ATP8A2: variants seen among roughly 807,000 people sequenced by gnomAD.
ATP8A2 encodes phospholipid-transporting ATPase IB.
A neutral mutation model predicts 165.6 loss-of-function variants in ATP8A2; 100 were observed. That is an observed-to-expected ratio of 0.60 (90% CI 0.51 to 0.71). The LOEUF (loss-of-function observed/expected upper bound fraction) is 0.71. ATP8A2 is among the 30% of genes least tolerant of loss of function. ATP8A2 has a pLI of 0.00. For synonymous variants in ATP8A2, 543 were observed against 548.8 expected (o/e 0.99, Z 0.15); for missense variants, 1,227 against 1,479.5 (o/e 0.83, Z 2.80).
intron 24 of ATP8A2, among the ~76,000 whole-genome samples, chr13:25,659,264 G>T (rs900004352): frequency 6.6e-6 from 1 of 152,184 alleles, no homozygotes; most frequent in African/African-American, 2.4e-5. Flanking sequence ...CGATTGTGCT[G>T]ATTATGATCA....
intron 27 of ATP8A2, among the ~76,000 whole-genome samples, chr13:25,818,555 C>T (rs996058319): frequency 6.6e-6 from 1 of 152,080 alleles, no homozygotes; most frequent in African/African-American, 2.4e-5. Context: ...GGAATAACAC[C>T]TTTTGTTAGG....
chr13:25,773,348 G>A (rs1036837172), intron 26 of ATP8A2, among the ~76,000 whole-genome samples: 1 of 152,158 alleles, frequency 6.6e-6, no homozygotes, highest in Admixed American at 6.5e-5. Flanking sequence ...GCCAGAGCAG[G>A]ACACCACGCA....
intron 24 of ATP8A2, among the ~76,000 whole-genome samples, chr13:25,599,975 A>T (rs1034051425): frequency 5.3e-5 from 8 of 152,212 alleles, no homozygotes; most frequent in Non-Finnish European, 7.3e-5. Context: ...CATGCAGGAA[A>T]TGGTGACCGT....
intron 33 of ATP8A2, among the ~76,000 whole-genome samples, chr13:25,886,574 G>T (rs1282978336): frequency 1.3e-5 from 2 of 152,234 alleles, no homozygotes; most frequent in Non-Finnish European, 2.9e-5. Context: ...GGTTTCACCC[G>T]CTCCATGTGC....
At chr13:25,591,402 T>C (rs1454477322) in intron 24 of ATP8A2, 8 of 456,210 alleles carry the variant, frequency 1.8e-5, no homozygotes, top group East Asian at 6.9e-5. Context: ...TTCAATCATA[T>C]AGTATTTGTG....
intron 25 of ATP8A2, among the ~76,000 whole-genome samples, chr13:25,719,733 A>G (rs3117856): frequency 0.24 from 36,890 of 152,166 alleles, 6,725 homozygotes; most frequent in African/African-American, 0.51. Context: ...GCCTGTCAGA[A>G]TCACTTATGT....
rs567734426 is a variant in ATP8A2, at chr13:25,971,311, A to AG, written c.3377+2632_3377+2633insG. Among the ~76,000 whole-genome samples the AG allele has an allele frequency of 3.7e-3, 515 of 140,426 alleles. 2 individuals are homozygous for AG. Among genetic ancestry groups the AG allele is most frequent in the African/African-American group, 0.013 (487 of 37,112 alleles). 92.1% of individuals were successfully genotyped at this position (140,426 alleles called of 152,430 possible). A position where few individuals can be genotyped will look rare whatever the true frequency, so the allele number is the denominator to read the frequency against. On this transcript the variant is annotated intron_variant, in intron 35 of 36. Coordinates refer to ENST00000381655, the MANE Select transcript of ATP8A2 (RefSeq NM_016529.6). ...TGCTTGGCCTCCTAAGCTGCCTCAC[A>AG]ATTGTTCTCTTACAACCTTTGTTTT... is the stretch of plus-strand genomic sequence containing the variant.
chr13:25,935,154 A>G (rs1241907173), intron 33 of ATP8A2, among the ~76,000 whole-genome samples: 1 of 152,222 alleles, frequency 6.6e-6, no homozygotes, highest in Non-Finnish European at 1.5e-5. Context: ...AAGTTACTTA[A>G]TCATTAAACT....
At chr13:25,734,370 T>C (rs930179293) in intron 25 of ATP8A2, among the ~76,000 whole-genome samples, 7 of 152,182 alleles carry the variant, frequency 4.6e-5, no homozygotes, top group Non-Finnish European at 1.0e-4. Flanking sequence ...ACTTTTCCCA[T>C]CTTCAGTTTA....
intron 30 of ATP8A2, among the ~76,000 whole-genome samples, chr13:25,843,680 C>A (rs1229160269): frequency 6.6e-6 from 1 of 152,152 alleles, no homozygotes; most frequent in Non-Finnish European, 1.5e-5. Flanking sequence ...ATAATCCATG[C>A]AGTTTATAGT....
At chr13:25,396,889 A>C (rs551984766) in intron 1 of ATP8A2, among the ~76,000 whole-genome samples, 13 of 152,238 alleles carry the variant, frequency 8.5e-5, no homozygotes, top group Non-Finnish European at 1.5e-4. Flanking sequence ...TCACACAGCA[A>C]GCTTTCAGCA....
At chr13:25,466,225 C>CT (rs1359125703) in intron 1 of ATP8A2, among the ~76,000 whole-genome samples, 3 of 152,048 alleles carry the variant, frequency 2.0e-5, no homozygotes, top group East Asian at 3.9e-4. Context: ...TTTTTTTCTA[C>CT]TTTTTCCCAG....
intron 8 of ATP8A2, among the ~76,000 whole-genome samples, chr13:25,541,656 T>G (rs1220941771): frequency 2.6e-5 from 4 of 152,236 alleles, no homozygotes; most frequent in African/African-American, 9.6e-5. Context: ...TAATTATTAC[T>G]TATGCACGGA....
In ATP8A2 at chr13:25,840,482, GCATGCAC is replaced by G. The variant is rs1177883919; in HGVS notation, c.2956+859_2956+865del. The stretch of plus-strand genomic sequence containing the variant: ...CCTATTAAATACTGACAGAGAAAAT[GCATGCAC>G]TGCCATTTTCTTATGCCACGTGATA... On this transcript the variant is annotated intron_variant, in intron 30 of 36. Transcript: ENST00000381655. Among the ~76,000 whole-genome samples the G allele has an allele frequency of 5.7e-3, 861 of 152,274 alleles. 6 individuals carry two copies. The highest frequency in any genetic ancestry group is 0.02 in the African/African-American group (817 of 41,544).
intron 25 of ATP8A2, among the ~76,000 whole-genome samples, chr13:25,749,076 G>T (rs2044099699): frequency 6.6e-6 from 1 of 152,188 alleles, no homozygotes; most frequent in Non-Finnish European, 1.5e-5. Flanking sequence ...GAATAGTTTT[G>T]ACTAACATGA....
chr13:25,687,733 C>T (rs1264355070), intron 24 of ATP8A2, among the ~76,000 whole-genome samples: 12 of 152,060 alleles, frequency 7.9e-5, no homozygotes, highest in South Asian at 2.1e-4. Flanking sequence ...CACCATTCAC[C>T]GAGCACTGTT....
At chr13:25,623,709 A>G (rs2041030614) in intron 24 of ATP8A2, among the ~76,000 whole-genome samples, 1 of 152,132 alleles carries the variant, frequency 6.6e-6, no homozygotes, top group Non-Finnish European at 1.5e-5. Context: ...ATCCTGATGG[A>G]AGTAAAACTG....
chr13:25,532,420 G>A (rs2038143944), intron 5 of ATP8A2, 103 bp downstream of exon 5: 3 of 722,100 alleles, frequency 4.2e-6, no homozygotes, highest in South Asian at 2.0e-5. Context: ...AGATAAATTG[G>A]GAAGATGATC....
intron 24 of ATP8A2, among the ~76,000 whole-genome samples, chr13:25,618,853 T>A (rs1285797073): frequency 1.3e-5 from 2 of 151,768 alleles, no homozygotes; most frequent in Admixed American, 1.3e-4. Context: ...AGTTCTTGGG[T>A]GGTGGAAAAG....
Sources: gnomAD v4.1 joint callset for allele counts (sites outside exome capture counted in the v4.1 genomes callset) on GRCh38, gnomAD v4.1.1 for gene constraint, MANE v1.5 for transcripts, NCBI Gene and HGNC (gene_info 2026-07-23, HGNC 2026-07-21) for gene names.